Variants in CTNNA1 observed in about 807,000 individuals in gnomAD.
CTNNA1 encodes catenin alpha-1.
CTNNA1 carries 37 observed loss-of-function variants against 98.4 expected under a neutral mutation model. That is an observed-to-expected ratio of 0.38 (90% CI 0.29 to 0.49). CTNNA1 has a LOEUF of 0.49. Ranked by LOEUF, CTNNA1 falls within the 20% of genes least tolerant of loss-of-function variation. The probability of loss-of-function intolerance (pLI) is 0.95; values close to 1 mark genes in which losing one functional copy is unlikely to be tolerated. For synonymous variants in CTNNA1, 404 were observed against 413.2 expected, an observed-to-expected ratio of 0.98 and a Z score of 0.27; for missense variants, 761 against 1,147.2, an observed-to-expected ratio of 0.66 and a Z score of 4.86.
chr5:138,927,710 T>TAATGAATG (rs749302365), intron 13 of CTNNA1, among the ~76,000 whole-genome samples: 2,717 of 151,032 alleles, frequency 0.018, 71 homozygotes, highest in African/African-American at 0.055. Context: ...GGCAGAGAGA[T>TAATGAATG]AATGAATGAA....
chr5:138,825,959 T>C (rs1033545090), intron 6 of CTNNA1, among the ~76,000 whole-genome samples: 4 of 152,174 alleles, frequency 2.6e-5, no homozygotes, highest in Non-Finnish European at 4.4e-5. Flanking sequence ...AGTTGAGTAA[T>C]ATCTACCAGA....
At position 138,873,585 on chromosome 5, in the gene CTNNA1, G is replaced by A; in HGVS notation, c.1063-12627G>A. 1 of 1,613,984 alleles carries A rather than the reference G, an allele frequency of 6.2e-7. No homozygotes were observed. The highest frequency in any genetic ancestry group is 1.1e-5 in the South Asian group (1 of 91,082). On this transcript the variant is annotated intron_variant, in intron 7 of 17. Coordinates refer to ENST00000302763, the MANE Select transcript of CTNNA1 (RefSeq NM_001903.5). The surrounding 1 kb of genome is among the most constrained non-coding windows in gnomAD (Gnocchi z 6.1). ...TCCCACCGACCTTGGAAACTGCCCAGCCAGGAGGCCAGAGCACATATTCGG... is the reference window on the plus strand; with the variant it reads ...TCCCACCGACCTTGGAAACTGCCCAACCAGGAGGCCAGAGCACATATTCGG...
intron 7 of CTNNA1, among the ~76,000 whole-genome samples, chr5:138,835,331 A>G (rs1255251052): frequency 2.0e-5 from 3 of 152,214 alleles, no homozygotes. Flanking sequence ...GTAGCTGTTT[A>G]AATGGGCTCT....
chr5:138,930,451 C>G, intron 14 of CTNNA1, 22 bp from the exon 15 acceptor site: 1 of 1,579,520 alleles, frequency 6.3e-7, no homozygotes, highest in Non-Finnish European at 8.6e-7. Context: ...TATGTAAGAG[C>G]TCTTTGTGCT....
intron 4 of CTNNA1, 150 bp from the exon 5 acceptor site, chr5:138,812,033 A>G (rs1003451937): frequency 1.3e-5 from 8 of 617,396 alleles, no homozygotes; most frequent in Admixed American, 6.1e-5. Context: ...ATTGCTGTTT[A>G]AATGTTAGAA....
intron 1 of CTNNA1, among the ~76,000 whole-genome samples, chr5:138,756,453 C>T (rs1751657020): frequency 6.6e-6 from 1 of 152,158 alleles, no homozygotes; most frequent in South Asian, 2.1e-4. Flanking sequence ...AGGTGTGAGC[C>T]ACCGCACTTT....
intron 9 of CTNNA1, among the ~76,000 whole-genome samples, chr5:138,892,329 T>G (rs961313440): frequency 5.0e-5 from 2 of 39,772 alleles, no homozygotes; most frequent in Admixed American, 1.9e-4. Context: ...AATAGCTTAG[T>G]TTTTTTTTTT....
chr5:138,761,771 T>C (rs778841954), intron 1 of CTNNA1, among the ~76,000 whole-genome samples: 3 of 152,194 alleles, frequency 2.0e-5, no homozygotes, highest in Non-Finnish European at 4.4e-5. Flanking sequence ...TTTGTTGTTG[T>C]TGATACAGGG....
chr5:138,900,071 G>GTT (rs1757705757), intron 9 of CTNNA1, among the ~76,000 whole-genome samples: 1 of 152,198 alleles, frequency 6.6e-6, no homozygotes, highest in African/African-American at 2.4e-5. Flanking sequence ...TTTGGAAGTA[G>GTT]TTGTTAAAAA....
chr5:138,873,651 T>C lies in CTNNA1; in HGVS notation c.1063-12561T>C, dbSNP rs1750921889. On this transcript the variant is annotated intron_variant, in intron 7 of 17. Coordinates refer to ENST00000302763, the MANE Select transcript of CTNNA1 (RefSeq NM_001903.5). This position sits in a 1 kb window ranked among gnomAD's most constrained non-coding sequence, Gnocchi z 6.1. Reference sequence around the variant, plus strand: ...AGATTGCCAGAGAGACCAACGGTTGTGAGGGATCTCAGGGAGTTTAAGATC... The same window carrying C: ...AGATTGCCAGAGAGACCAACGGTTGCGAGGGATCTCAGGGAGTTTAAGATC... The C allele has an allele frequency of 6.2e-7, 1 of 1,613,920 alleles. No homozygotes were observed. Among genetic ancestry groups the C allele is most frequent in the Admixed American group, 1.7e-5 (1 of 60,008 alleles).
chr5:138,794,481 ATCC>A (rs1413151847), intron 3 of CTNNA1, among the ~76,000 whole-genome samples: 2 of 152,218 alleles, frequency 1.3e-5, no homozygotes, highest in Non-Finnish European at 2.9e-5. Flanking sequence ...TTTACCAAAT[ATCC>A]CTCCTTGATA....
At chr5:138,762,774 T>A (rs1009349491) in intron 1 of CTNNA1, among the ~76,000 whole-genome samples, 2 of 100,774 alleles carry the variant, frequency 2.0e-5, no homozygotes, top group African/African-American at 6.1e-5. Flanking sequence ...TAGTGTGAAG[T>A]GATTTTTAAA....
At chr5:138,767,179 G>A (rs1753028095) in intron 1 of CTNNA1, among the ~76,000 whole-genome samples, 1 of 152,096 alleles carries the variant, frequency 6.6e-6, no homozygotes, top group African/African-American at 2.4e-5. Flanking sequence ...AGGACTACAG[G>A]CGCCCGCCAT....
intron 7 of CTNNA1, chr5:138,871,242 T>C (rs1423900094): frequency 6.6e-6 from 1 of 152,208 alleles, no homozygotes; most frequent in African/African-American, 2.4e-5. Flanking sequence ...AAAATGGTAG[T>C]GGCTTTCTCT....
rs1290061663 is a variant in CTNNA1 at position 138,780,132 on chromosome 5, C to T, written c.-2-1791C>T. On this transcript the variant is annotated intron_variant, in intron 1 of 17. Transcript: ENST00000302763. ...CCTTAACTTTAGAATAAGATTTTAG[C>T]AGTAGATTTTCTGGGTCATACAAAT... Among the ~76,000 whole-genome samples, 3 of 152,016 alleles carry T rather than the reference C, an allele frequency of 2.0e-5. No individual in the cohort carries two copies. The East Asian group carries it at 5.8e-4, about 29-fold the overall frequency.
rs547740801 is a variant in CTNNA1 at position 138,831,326 on chromosome 5, G to A, written c.1062+3608G>A. On this transcript the variant is annotated intron_variant, in intron 7 of 17. Transcript: ENST00000302763. The stretch of plus-strand genomic sequence containing the variant: ...AGACCAATTAAGTCAGAATCTCTGC[G>A]TCAAGATCCAAGCGTCAGTTATTTT... Among the ~76,000 whole-genome samples, 14 of 152,304 alleles carry A rather than the reference G, an allele frequency of 9.2e-5. No homozygotes were observed. The South Asian group carries it at 1.5e-3, about 16-fold the overall frequency.
intron 7 of CTNNA1, among the ~76,000 whole-genome samples, chr5:138,884,007 C>T (rs1753499713): frequency 6.6e-6 from 1 of 152,132 alleles, no homozygotes; most frequent in Non-Finnish European, 1.5e-5. Flanking sequence ...TATTCTAGGG[C>T]CCAATATGAG....
rs922655280 is a variant in CTNNA1 at position 138,810,142 on chromosome 5, A to T, written c.406A>T (p.Thr136Ser). The change falls in exon 4 of 18, where the codon ACC (threonine) becomes TCC (serine). Residue 136 changes from threonine (T) to serine (S), a missense_variant. Around this residue, in one of 6 missense-constraint regions of CTNNA1, gnomAD observed 328 missense variants for 354.3 expected, o/e 0.93. Coordinates refer to ENST00000302763, the MANE Select transcript of CTNNA1 (RefSeq NM_001903.5). ...RAARALLSAVTRLLILADMAD... is the reference protein window; with the variant it reads ...RAARALLSAVSRLLILADMAD... ...AGCTCGAGCTTTGCTCTCTGCTGTT[A>T]CCCGGTTGCTGATTTTGGCTGACAT... 5 of 1,614,006 alleles carry T rather than the reference A, an allele frequency of 3.1e-6. No homozygotes were observed. In the African/African-American group the frequency reaches 6.7e-5, roughly 22 times the overall value.
chr5:138,817,423 ACTTTTTGGG>A (rs1228848765), intron 5 of CTNNA1, among the ~76,000 whole-genome samples: 1 of 151,866 alleles, frequency 6.6e-6, no homozygotes, highest in Admixed American at 6.6e-5. Context: ...CTCTTTGGGG[ACTTTTTGGG>A]CTTTTTGGAT....
Sources: gnomAD v4.1 joint callset for allele counts (sites outside exome capture counted in the v4.1 genomes callset) on GRCh38, gnomAD v4.1.1 for gene constraint, gnomAD v4.1.1 regional missense constraint, Gnocchi (gnomAD v3.1) non-coding constraint, MANE v1.5 for transcripts, NCBI Gene and HGNC (gene_info 2026-07-23, HGNC 2026-07-21) for gene names.